The following CNNM2 variants were observed in gnomAD, a reference collection of about 807,000 sequenced individuals.
CNNM2 encodes the protein cyclin and CBS domain divalent metal cation transport mediator 2.
CNNM2 carries 12 observed loss-of-function variants against 66.9 expected under a neutral mutation model. The observed-to-expected ratio is 0.18, with a 90% CI of 0.11 to 0.29. The LOEUF (loss-of-function observed/expected upper bound fraction) is 0.29. Ranked by LOEUF, CNNM2 falls within the 10% of genes least tolerant of loss-of-function variation. CNNM2 has a pLI of 1.00. For synonymous variants in CNNM2, 557 were observed against 501.8 expected (o/e 1.11, Z -1.47); for missense variants, 705 against 1,167.7 (o/e 0.60, Z 5.77).
chr10:102,991,200 C>T (rs1236780482), intron 1 of CNNM2, among the ~76,000 whole-genome samples: 1 of 152,022 alleles, frequency 6.6e-6, no homozygotes, highest in East Asian at 1.9e-4. Flanking sequence ...GTTGGCCAGA[C>T]TGGTCTCGAA....
intron 1 of CNNM2, among the ~76,000 whole-genome samples, chr10:102,980,635 C>T (rs2063705623): frequency 6.6e-6 from 1 of 152,076 alleles, no homozygotes. Flanking sequence ...TGTATTTCCC[C>T]TCTCCCCACA....
chr10:103,010,711 C>G lies in CNNM2; in HGVS notation c.1622-38996C>G, dbSNP rs554582457. On this transcript the variant is annotated intron_variant, in intron 1 of 7. Coordinates refer to ENST00000369878, the MANE Select transcript of CNNM2 (RefSeq NM_017649.5). ...CACTGTAACCTTTGCCTCCTGGGTT[C>G]AAGCGATTCTCCTGCCTCAGCGTCC... 1.8e-4 allele frequency among the ~76,000 whole-genome samples: 28 copies of G among 152,146 alleles called. No individual in the cohort carries two copies. The East Asian group carries it at 4.6e-3, about 25-fold the overall frequency.
chr10:103,031,852 G>A (rs1377877436), intron 1 of CNNM2, among the ~76,000 whole-genome samples: 1 of 152,114 alleles, frequency 6.6e-6, no homozygotes, highest in Non-Finnish European at 1.5e-5. Context: ...GGGGGCGTGA[G>A]GGGATTTATC....
At chr10:102,949,806 C>CAAT (rs1010381822) in intron 1 of CNNM2, among the ~76,000 whole-genome samples, 1 of 151,612 alleles carries the variant, frequency 6.6e-6, no homozygotes, top group Non-Finnish European at 1.5e-5. Context: ...ATAATAATAA[C>CAAT]AATAATAATA....
At chr10:102,965,868 C>CA (rs1447929546) in intron 1 of CNNM2, among the ~76,000 whole-genome samples, 2 of 152,140 alleles carry the variant, frequency 1.3e-5, no homozygotes, top group African/African-American at 4.8e-5. Context: ...TTTTAAGCTT[C>CA]AAGGTCTCTG....
intron 1 of CNNM2, among the ~76,000 whole-genome samples, chr10:103,041,863 C>T (rs573110882): frequency 2.0e-5 from 3 of 152,206 alleles, no homozygotes; most frequent in Non-Finnish European, 2.9e-5. Flanking sequence ...CCAGGAAACT[C>T]GGGCACCCCC....
At chr10:103,055,081 TG>T (rs1350118593) in intron 3 of CNNM2, among the ~76,000 whole-genome samples, 10 of 152,254 alleles carry the variant, frequency 6.6e-5, no homozygotes, top group African/African-American at 2.2e-4. Flanking sequence ...CAAGTGTTCA[TG>T]TTGTTTAAAC....
intron 1 of CNNM2, among the ~76,000 whole-genome samples, chr10:102,962,815 A>G (rs534588596): frequency 6.6e-6 from 1 of 152,008 alleles, no homozygotes; most frequent in Non-Finnish European, 1.5e-5. Context: ...GTGCTTTCAG[A>G]TTTTTCCAAA....
chr10:103,028,497 G>A (rs2064751361), intron 1 of CNNM2, among the ~76,000 whole-genome samples: 1 of 152,132 alleles, frequency 6.6e-6, no homozygotes, highest in African/African-American at 2.4e-5. Context: ...CTTCATCTGA[G>A]AACAAACTCT....
At chr10:103,028,980 G>A (rs1374936965) in intron 1 of CNNM2, among the ~76,000 whole-genome samples, 2 of 132,420 alleles carry the variant, frequency 1.5e-5, no homozygotes, top group African/African-American at 2.8e-5. Context: ...GTGCCACCAT[G>A]CCCACTAACT....
intron 1 of CNNM2, among the ~76,000 whole-genome samples, chr10:103,004,053 C>T (rs539207329): frequency 8.4e-6 from 1 of 118,458 alleles, no homozygotes; most frequent in South Asian, 3.1e-4. Flanking sequence ...AGTGCAGTGG[C>T]GCAATCTCGG....
intron 1 of CNNM2, among the ~76,000 whole-genome samples, chr10:103,033,175 T>G (rs776133755): frequency 9.2e-5 from 14 of 151,958 alleles, no homozygotes; most frequent in Admixed American, 9.2e-4. Flanking sequence ...ATACATTTTT[T>G]AAATTTATTT....
At chr10:102,933,212 C>T (rs1028466757) in intron 1 of CNNM2, among the ~76,000 whole-genome samples, 1 of 152,130 alleles carries the variant, frequency 6.6e-6, no homozygotes, top group African/African-American at 2.4e-5. Flanking sequence ...ATCTGTAGAT[C>T]AATTTAGGAG....
rs761744607 is a variant in CNNM2, at chr10:103,056,699, C to T, written c.1904-96C>T. The T allele has an allele frequency of 3.7e-5, 43 of 1,173,384 alleles. 1 individual carries two copies. Among genetic ancestry groups the T allele is most frequent in the Admixed American group, 2.2e-4 (11 of 49,944 alleles). The allele number at this position is 1,173,384 out of a possible 1,614,324, so 72.7% of individuals were successfully genotyped here. ...CCATTCAAATGCTATCACTTTGATT[C>T]CAAGTATTCTTATCTAAACACCTCA... On this transcript the variant is annotated intron_variant, in intron 3 of 7. Coordinates refer to ENST00000369878, the MANE Select transcript of CNNM2 (RefSeq NM_017649.5).
chr10:103,000,441 GTTTTA>G (rs1212671058), intron 1 of CNNM2, among the ~76,000 whole-genome samples: 107 of 151,824 alleles, frequency 7.0e-4, no homozygotes, highest in African/African-American at 2.5e-3. Flanking sequence ...TTTTGTGTGT[GTTTTA>G]TTTTATTTTA....
At chr10:102,998,644 C>T (rs898864988) in intron 1 of CNNM2, among the ~76,000 whole-genome samples, 1 of 152,022 alleles carries the variant, frequency 6.6e-6, no homozygotes, top group Admixed American at 6.6e-5. Flanking sequence ...ACAGGTGACA[C>T]GATCTTCTAT....
At chr10:103,062,957 G>C (rs1050779065) in intron 4 of CNNM2, among the ~76,000 whole-genome samples, 4 of 152,182 alleles carry the variant, frequency 2.6e-5, no homozygotes, top group African/African-American at 7.2e-5. Flanking sequence ...AGTAGGTCTG[G>C]GGTGGAGTCT....
chr10:102,996,986 A>G (rs924942365), intron 1 of CNNM2, among the ~76,000 whole-genome samples: 1 of 152,216 alleles, frequency 6.6e-6, no homozygotes, highest in South Asian at 2.1e-4. Context: ...TAGAGCTGAC[A>G]TCCTGTGACT....
chr10:103,086,520 GC>G lies in CNNM2; in HGVS notation c.*9342del, dbSNP rs1340045317. The G allele has an allele frequency of 6.6e-6, 1 of 152,194 alleles. No individual in the cohort carries two copies. The highest frequency in any genetic ancestry group is 1.9e-4 in the East Asian group (1 of 5,198). The allele number at this position is 152,194 out of a possible 1,614,324, so 9.4% of individuals were successfully genotyped here. On this transcript the variant is annotated 3_prime_UTR_variant, in exon 8 of 8. Coordinates refer to ENST00000369878, the MANE Select transcript of CNNM2 (RefSeq NM_017649.5). Reference sequence around the variant, plus strand: ...GTATTTATTTTAAAATGACCAGGCAGCCTTGGAAAAATTGCTGGGCTTTAAA... The same window carrying G: ...GTATTTATTTTAAAATGACCAGGCAGCTTGGAAAAATTGCTGGGCTTTAAA...
Sources: allele counts gnomAD v4.1 joint callset (sites outside exome capture counted in the v4.1 genomes callset), GRCh38; gene constraint gnomAD v4.1.1; transcripts MANE v1.5; gene names NCBI Gene and HGNC (gene_info 2026-07-23, HGNC 2026-07-21).